The following GPHN variants were observed in gnomAD, a reference collection of about 807,000 sequenced individuals.
GPHN encodes gephyrin.
Under a neutral mutation model 95.5 loss-of-function variants are expected in GPHN, and 17 were observed. The ratio of observed to expected loss-of-function variants is 0.18; its 90% CI spans 0.12 to 0.27. The LOEUF is 0.27. Among genes scored for constraint, GPHN ranks in the 10% least tolerant of loss-of-function variants. GPHN has a pLI of 1.00. For synonymous variants in GPHN, 320 were observed against 322.5 expected (o/e 0.99, Z 0.08); for missense variants, 660 against 978.1 (o/e 0.67, Z 4.34).
chr14:67,653,390 G>T, the GPHN span: 1 of 1,563,086 alleles, frequency 6.4e-7, no homozygotes, highest in Non-Finnish European at 8.8e-7. Context: ...CTTTTTGGTT[G>T]AAAGCCACTG....
intron 3 of GPHN, among the ~76,000 whole-genome samples, chr14:66,801,903 G>C (rs2060368261): frequency 6.6e-6 from 1 of 152,150 alleles, no homozygotes; most frequent in Admixed American, 6.5e-5. Flanking sequence ...GGACTGCACT[G>C]GATCAGGCCT....
At chr14:66,840,752 A>G (rs2062041991) in intron 4 of GPHN, among the ~76,000 whole-genome samples, 2 of 151,784 alleles carry the variant, frequency 1.3e-5, no homozygotes, top group South Asian at 4.2e-4. Context: ...AAAAAAAAAA[A>G]AACAGGAAAT....
At chr14:67,443,240 A>G in the GPHN span, among the ~76,000 whole-genome samples, 1 of 152,084 alleles carries the variant, frequency 6.6e-6, no homozygotes, top group Non-Finnish European at 1.5e-5. Flanking sequence ...AAAGAAAAAA[A>G]AAATGAGTTC....
At chr14:67,116,891 A>T (rs573245203) in intron 16 of GPHN, among the ~76,000 whole-genome samples, 1 of 152,230 alleles carries the variant, frequency 6.6e-6, no homozygotes, top group Admixed American at 6.5e-5. Context: ...ACGATCAGTT[A>T]AACCTTTTTT....
intron 10 of GPHN, among the ~76,000 whole-genome samples, chr14:67,052,750 C>G (rs1173879074): frequency 6.6e-6 from 1 of 152,182 alleles, no homozygotes; most frequent in Non-Finnish European, 1.5e-5. Flanking sequence ...AACAGTCTCT[C>G]AGACCACAGT....
At chr14:66,669,631 T>C (rs1167000710) in intron 1 of GPHN, among the ~76,000 whole-genome samples, 2 of 152,154 alleles carry the variant, frequency 1.3e-5, no homozygotes, top group African/African-American at 4.8e-5. Context: ...TTTTCTTCTT[T>C]TCCAGATTGG....
intron 10 of GPHN, among the ~76,000 whole-genome samples, chr14:67,056,488 C>A (rs1332360903): frequency 6.6e-6 from 1 of 151,938 alleles, no homozygotes; most frequent in East Asian, 1.9e-4. Flanking sequence ...GTACAATCCG[C>A]TAGCTAGACA....
At chr14:67,705,433 C>A in the GPHN span, among the ~76,000 whole-genome samples, 1 of 152,192 alleles carries the variant, frequency 6.6e-6, no homozygotes, top group Non-Finnish European at 1.5e-5. Flanking sequence ...TCGTAAGATT[C>A]TTTACTCAGA....
the GPHN span, chr14:67,578,103 G>C: frequency 8.1e-6 from 13 of 1,613,846 alleles, no homozygotes; most frequent in Non-Finnish European, 1.1e-5. The surrounding 1 kb of genome is among the most constrained non-coding windows in gnomAD (Gnocchi z 5.0). Flanking sequence ...CCGCACTGCA[G>C]GTCTGCCTGG....
the GPHN span, among the ~76,000 whole-genome samples, chr14:67,718,221 C>A: frequency 6.6e-6 from 1 of 152,094 alleles, no homozygotes; most frequent in Admixed American, 6.6e-5. Context: ...GCAGGGCTTG[C>A]AGTAGAAAGA....
chr14:67,295,517 T>A, the GPHN span, among the ~76,000 whole-genome samples: 1 of 147,874 alleles, frequency 6.8e-6, no homozygotes, highest in South Asian at 2.1e-4. Context: ...TGGAAATTAA[T>A]AAGAAAAAAA....
chr14:67,183,680 C>G (rs544818800), downstream of GPHN, among the ~76,000 whole-genome samples: 26 of 149,806 alleles, frequency 1.7e-4, no homozygotes, highest in South Asian at 4.9e-3. Flanking sequence ...TCTCCTGCCT[C>G]AGCCTCCCAA....
At chr14:66,727,567 TG>T (rs2071363578) in intron 2 of GPHN, among the ~76,000 whole-genome samples, 1 of 152,194 alleles carries the variant, frequency 6.6e-6, no homozygotes, top group South Asian at 2.1e-4. Context: ...ATGAAGTACT[TG>T]TTGGGAACTG....
chr14:67,678,189 C>G, the GPHN span: 1 of 625,460 alleles, frequency 1.6e-6, no homozygotes, highest in Admixed American at 2.7e-5. Context: ...AACTGGACAC[C>G]AAGCAGGCAA....
intron 1 of GPHN, among the ~76,000 whole-genome samples, chr14:66,660,443 GCTTA>G (rs2153374132): frequency 6.6e-6 from 1 of 151,882 alleles, no homozygotes; most frequent in Non-Finnish European, 1.5e-5. Flanking sequence ...TTATTTTTTT[GCTTA>G]CTTTATGTTT....
At chr14:66,621,132 T>A (rs897405144) in intron 1 of GPHN, among the ~76,000 whole-genome samples, 5 of 72,946 alleles carry the variant, frequency 6.9e-5, no homozygotes, top group South Asian at 5.2e-4. Flanking sequence ...GCCCAGCCAA[T>A]TTTTTTTTTT....
At chr14:66,967,798 G>A (rs1190353863) in intron 9 of GPHN, among the ~76,000 whole-genome samples, 1 of 151,792 alleles carries the variant, frequency 6.6e-6, no homozygotes, top group Admixed American at 6.6e-5. Context: ...GAAAATAATA[G>A]CAGGGGAACT....
chr14:67,333,012 G>C, the GPHN span: 1 of 1,502,888 alleles, frequency 6.7e-7, no homozygotes, highest in African/African-American at 1.4e-5. Flanking sequence ...CTGCCAATAG[G>C]AGGACTGCCC....
chr14:67,562,799 G>A, the GPHN span: 1 of 1,613,806 alleles, frequency 6.2e-7, no homozygotes. Flanking sequence ...GAAGAATGAG[G>A]AAAGAGAGAG....
Sources: gnomAD v4.1 joint callset for allele counts (sites outside exome capture counted in the v4.1 genomes callset) on GRCh38, gnomAD v4.1.1 for gene constraint, Gnocchi (gnomAD v3.1) non-coding constraint, MANE v1.5 for transcripts, NCBI Gene and HGNC (gene_info 2026-07-23, HGNC 2026-07-21) for gene names.